Variants in SIPA1L1 observed in about 807,000 individuals in gnomAD.
SIPA1L1 encodes the protein signal-induced proliferation-associated 1-like protein 1.
SIPA1L1 carries 26 observed loss-of-function variants against 162.7 expected under a neutral mutation model. The ratio of observed to expected loss-of-function variants is 0.16; its 90% CI spans 0.12 to 0.22. The LOEUF (loss-of-function observed/expected upper bound fraction) is 0.22, where lower values mean the gene tolerates loss of function less well. Among genes scored for constraint, SIPA1L1 ranks in the 10% least tolerant of loss-of-function variants. The probability of loss-of-function intolerance (pLI) is 1.00; values close to 1 mark genes in which losing one functional copy is unlikely to be tolerated. For synonymous variants in SIPA1L1, 829 were observed against 837.4 expected (o/e 0.99, Z 0.17); for missense variants, 1,874 against 2,241.0 (o/e 0.84, Z 3.31).
chr14:71,703,319 A>G (rs1228679586), intron 15 of SIPA1L1, among the ~76,000 whole-genome samples: 2 of 152,274 alleles, frequency 1.3e-5, no homozygotes, highest in Non-Finnish European at 2.9e-5. Flanking sequence ...AGATAATCTT[A>G]TAAGACAAGA....
intron 7 of SIPA1L1, among the ~76,000 whole-genome samples, chr14:71,639,897 GGTTTTTTT>G (rs66617708): frequency 0.23 from 34,493 of 151,480 alleles, 5,018 homozygotes; most frequent in Non-Finnish European, 0.31. Flanking sequence ...TGACTTTTTG[GGTTTTTTT>G]GTTTTTTTGT....
intron 7 of SIPA1L1, among the ~76,000 whole-genome samples, chr14:71,647,461 T>C (rs2042263507): frequency 6.6e-6 from 1 of 152,080 alleles, no homozygotes; most frequent in African/African-American, 2.4e-5. Context: ...CTTAGGCCTC[T>C]ATCTATGAAG....
intron 22 of SIPA1L1, 33 bp downstream of exon 22, chr14:71,735,424 C>A: frequency 7.1e-7 from 1 of 1,416,368 alleles, no homozygotes; most frequent in African/African-American, 1.4e-5. Context: ...TACTCTGCAC[C>A]TTGTGTCACA....
intron 2 of SIPA1L1, among the ~76,000 whole-genome samples, chr14:71,414,421 C>T (rs1595337523): frequency 6.6e-6 from 1 of 152,208 alleles, no homozygotes; most frequent in African/African-American, 2.4e-5. Context: ...AAAAACCCTG[C>T]TCTTTATAGC....
chr14:71,393,973 A>AG (rs2040979169), intron 2 of SIPA1L1, among the ~76,000 whole-genome samples: 1 of 152,262 alleles, frequency 6.6e-6, no homozygotes, highest in South Asian at 2.1e-4. Flanking sequence ...AAGCAATGAG[A>AG]GGTAAATTTT....
At chr14:71,388,152 A>C (rs558511103) in intron 2 of SIPA1L1, among the ~76,000 whole-genome samples, 3 of 152,352 alleles carry the variant, frequency 2.0e-5, no homozygotes, top group African/African-American at 7.2e-5. Flanking sequence ...TATGATTTTT[A>C]ATTTTCCCTA....
chr14:71,483,821 T>C (rs1022733786), intron 2 of SIPA1L1, among the ~76,000 whole-genome samples: 18 of 152,280 alleles, frequency 1.2e-4, no homozygotes, highest in African/African-American at 4.1e-4. Flanking sequence ...TGCTCAACCA[T>C]ATCATCTATC....
intron 11 of SIPA1L1, 54 bp downstream of exon 11, chr14:71,671,746 A>G (rs2044539484): frequency 3.6e-6 from 5 of 1,383,658 alleles, no homozygotes; most frequent in Non-Finnish European, 4.9e-6. Flanking sequence ...TAAAGTTTTC[A>G]ATACAGACTA....
chr14:71,640,847 A>T (rs2041639241), intron 7 of SIPA1L1, among the ~76,000 whole-genome samples: 1 of 152,082 alleles, frequency 6.6e-6, no homozygotes, highest in Non-Finnish European at 1.5e-5. Context: ...CTGGTCTCGA[A>T]CTCCTGACCT....
chr14:71,343,475 C>T (rs1013750043), intron 2 of SIPA1L1, among the ~76,000 whole-genome samples: 15 of 151,948 alleles, frequency 9.9e-5, no homozygotes, highest in South Asian at 2.1e-4. Context: ...TTAAATGTAC[C>T]GTCTTTGATA....
chr14:71,737,935 T>TA (rs1308262422), intron 22 of SIPA1L1, among the ~76,000 whole-genome samples: 1 of 152,164 alleles, frequency 6.6e-6, no homozygotes, highest in African/African-American at 2.4e-5. Flanking sequence ...TGCCAGAAAG[T>TA]ACCTCTTGTG....
chr14:71,629,260 A>G (rs1004946475), intron 7 of SIPA1L1, among the ~76,000 whole-genome samples: 1 of 152,144 alleles, frequency 6.6e-6, no homozygotes, highest in African/African-American at 2.4e-5. Flanking sequence ...TTTTATTGAC[A>G]GTGACTAGGC....
intron 2 of SIPA1L1, among the ~76,000 whole-genome samples, chr14:71,447,041 A>C (rs2045458570): frequency 6.7e-6 from 1 of 149,376 alleles, no homozygotes; most frequent in Admixed American, 6.8e-5. Flanking sequence ...CCCCCTGAGT[A>C]GCTGGGACTA....
At chr14:71,410,446 G>A (rs2042322430) in intron 2 of SIPA1L1, among the ~76,000 whole-genome samples, 1 of 152,144 alleles carries the variant, frequency 6.6e-6, no homozygotes, top group Non-Finnish European at 1.5e-5. Flanking sequence ...GTGAATGGTT[G>A]GCCCCTAAAC....
chr14:71,680,078 A>T (rs1418797356), intron 12 of SIPA1L1, among the ~76,000 whole-genome samples: 1 of 152,244 alleles, frequency 6.6e-6, no homozygotes, highest in Non-Finnish European at 1.5e-5. Context: ...AGTGGGACCT[A>T]ATAGACATCT....
chr14:71,338,865 G>A (rs1566905176), intron 2 of SIPA1L1, among the ~76,000 whole-genome samples: 2 of 151,780 alleles, frequency 1.3e-5, no homozygotes, highest in East Asian at 1.9e-4. Flanking sequence ...TCAGCTTCCC[G>A]AGTAGCTAGG....
chr14:71,393,391 G>T (rs1256775107), intron 2 of SIPA1L1, among the ~76,000 whole-genome samples: 1 of 152,174 alleles, frequency 6.6e-6, no homozygotes, highest in African/African-American at 2.4e-5. Flanking sequence ...AATTAAATTG[G>T]GTGTACACTA....
At chr14:71,454,187 T>C (rs2046027746) in intron 2 of SIPA1L1, among the ~76,000 whole-genome samples, 1 of 152,142 alleles carries the variant, frequency 6.6e-6, no homozygotes, top group Admixed American at 6.5e-5. Flanking sequence ...AGGCATGTTA[T>C]ACCCATTGTA....
At chr14:71,721,288 T>C (rs151276169) in intron 17 of SIPA1L1, among the ~76,000 whole-genome samples, 1 of 152,304 alleles carries the variant, frequency 6.6e-6, no homozygotes, top group African/African-American at 2.4e-5. Context: ...CTCTCTTCCC[T>C]CTCAGGAGTC....
Sources: allele counts gnomAD v4.1 joint callset (sites outside exome capture counted in the v4.1 genomes callset), GRCh38; gene constraint gnomAD v4.1.1; transcripts MANE v1.5; gene names NCBI Gene and HGNC (gene_info 2026-07-23, HGNC 2026-07-21).